DDIT4L: variants seen among roughly 807,000 people sequenced by gnomAD.
DDIT4L encodes the protein DNA damage inducible transcript 4 like, also known as DNA damage-inducible transcript 4-like protein.
In DDIT4L, 13 loss-of-function variants were observed where a neutral mutation model predicts 15.9. That is an observed-to-expected ratio of 0.82 (90% CI 0.53 to 1.30). The LOEUF is 1.30. Ranked by LOEUF, DDIT4L falls within the 50% of genes most tolerant of loss-of-function variation. The pLI is 0.00. For synonymous variants in DDIT4L, 82 were observed against 85.4 expected, an observed-to-expected ratio of 0.96 and a Z score of 0.22; for missense variants, 235 against 224.8, an observed-to-expected ratio of 1.05 and a Z score of -0.29.
chr4:100,189,414 G>A (rs1355549832), intron 2 of DDIT4L, among the ~76,000 whole-genome samples: 2 of 152,114 alleles, frequency 1.3e-5, no homozygotes, highest in Non-Finnish European at 2.9e-5. Context: ...TTAGGCTGCG[G>A]GAAAGAAACC....
In DDIT4L at chr4:100,187,069, G is replaced by A. The variant is rs954013535; in HGVS notation, c.*608C>T. ...TTGCCTCTTTAAAACATTAGAGTGA[G>A]GAAGTCACCAAGAAACAGTGAAGCA... On this transcript the variant is annotated 3_prime_UTR_variant, in exon 3 of 3. Transcript: ENST00000273990. The A allele has an allele frequency of 5.3e-5, 8 of 152,124 alleles. No homozygotes were observed. Among genetic ancestry groups the A allele is most frequent in the African/African-American group, 1.9e-4 (8 of 41,420 alleles). The allele number at this position is 152,124 out of a possible 1,614,324, so 9.4% of individuals were successfully genotyped here. A position where few individuals can be genotyped will look rare whatever the true frequency, so the allele number is the denominator to read the frequency against.
intron 1 of DDIT4L, 31 bp from the exon 2 acceptor site, chr4:100,190,063 T>A (rs1031473492): frequency 3.5e-6 from 5 of 1,417,402 alleles, no homozygotes; most frequent in Admixed American, 3.4e-5. Context: ...AGAGACGGAT[T>A]TGCAAAAGCA....
rs917038042 is a variant in DDIT4L at position 100,186,316 on chromosome 4, G to A, written c.*1361C>T. ...CCAGGATGAATACATCTGTCCCTAC[G>A]CCGGTCTCCAGCATGTGAAGTGGAG... On this transcript the variant is annotated 3_prime_UTR_variant, in exon 3 of 3. Transcript: ENST00000273990. The A allele has an allele frequency of 5.3e-5, 8 of 152,148 alleles. No homozygotes were observed. Among genetic ancestry groups the A allele is most frequent in the African/African-American group, 1.4e-4 (6 of 41,440 alleles). 9.4% of individuals were successfully genotyped at this position (152,148 alleles called of 1,614,324 possible). A position where few individuals can be genotyped will look rare whatever the true frequency, so the allele number is the denominator to read the frequency against.
At position 100,188,022 on chromosome 4, in the gene DDIT4L, A is replaced by G. The variant is rs1396393720; in HGVS notation, c.237T>C (p.Leu79=). Residue 79 remains leucine, a synonymous_variant, in exon 3 of 3, where the codon CTT becomes CTC. Transcript: ENST00000273990. Reference sequence around the variant, plus strand: ...TTCTCTGGGTCAGTTTCTCAGGGACAAGGACCTTTGAGCAACCAAGTTTAG... The same window carrying G: ...TTCTCTGGGTCAGTTTCTCAGGGACGAGGACCTTTGAGCAACCAAGTTTAG... The part of the protein sequence containing the change: ...KQTKLGCSKV[L]VPEKLTQRIA... The G allele has an allele frequency of 1.2e-6, 2 of 1,614,084 alleles. No individual in the cohort carries two copies. The highest frequency in any genetic ancestry group is 1.7e-6 in the Non-Finnish European group (2 of 1,180,046).
At position 100,189,942 on chromosome 4, in the gene DDIT4L, G is replaced by C. The variant is rs749303442; in HGVS notation, c.42C>G (p.Ser14Arg). 5 of 1,614,040 alleles carry C rather than the reference G, an allele frequency of 3.1e-6. No individual in the cohort carries two copies. The Admixed American group carries it at 8.3e-5, about 27-fold the overall frequency. Residue 14 changes from serine to arginine, a missense_variant, in exon 2 of 3, where the codon AGC becomes AGG. Physicochemically the swap from Ser to Arg is moderately radical, Grantham distance 110 (BLOSUM62 -1). Coordinates refer to ENST00000273990, the MANE Select transcript of DDIT4L (RefSeq NM_145244.4). ...TGSLSSKNPA[S>R]ISELLDCGYH... ...AGCCACAGTCCAGCAATTCTGAAAT[G>C]CTGGCCGGGTTCTTGCTGCTCAAAC...
chr4:100,190,188 G>A, intron 1 of DDIT4L, 115 bp downstream of exon 1: 3 of 564,502 alleles, frequency 5.3e-6, no homozygotes, highest in Non-Finnish European at 9.4e-6. Context: ...ACAAAGCCCT[G>A]GGAGCGGAGC....
intron 2 of DDIT4L, among the ~76,000 whole-genome samples, chr4:100,188,829 G>A (rs1213134942): frequency 2.0e-5 from 3 of 152,170 alleles, no homozygotes; most frequent in Non-Finnish European, 4.4e-5. Context: ...GACCTTTGAG[G>A]TTCATGAGGA....
chr4:100,185,994 A>G lies in DDIT4L; in HGVS notation c.*1683T>C, dbSNP rs1343117300. On this transcript the variant is annotated 3_prime_UTR_variant, in exon 3 of 3. Transcript: ENST00000273990. The stretch of plus-strand genomic sequence containing the variant: ...GTAAGCATAACAGGCAAGAGAGTCA[A>G]AGATAACTGTTAGTGGGAAAAGGAC... 1 of 152,258 alleles carries G rather than the reference A, an allele frequency of 6.6e-6. No homozygotes were observed. The highest frequency in any genetic ancestry group is 2.4e-5 in the African/African-American group (1 of 41,462). 9.4% of individuals were successfully genotyped at this position (152,258 alleles called of 1,614,324 possible). A position where few individuals can be genotyped will look rare whatever the true frequency, so the allele number is the denominator to read the frequency against.
chr4:100,190,263 C>T, intron 1 of DDIT4L, 40 bp downstream of exon 1: 2 of 435,684 alleles, frequency 4.6e-6, no homozygotes, highest in East Asian at 4.8e-5. Context: ...GGAGCGCCCC[C>T]CGGCCCCGCT....
At chr4:100,189,417 A>G (rs968524803) in intron 2 of DDIT4L, among the ~76,000 whole-genome samples, 2 of 152,340 alleles carry the variant, frequency 1.3e-5, no homozygotes, top group African/African-American at 4.8e-5. Context: ...GGCTGCGGGA[A>G]AGAAACCAGA....
chr4:100,188,305 C>A, intron 2 of DDIT4L, 138 bp from the exon 3 acceptor site: 2 of 861,548 alleles, frequency 2.3e-6, no homozygotes, highest in Non-Finnish European at 1.7e-6. Flanking sequence ...GTCAGCTGAC[C>A]TCAATTAACT....
At position 100,186,432 on chromosome 4, in the gene DDIT4L, TG is replaced by T. The variant is rs1324333704; in HGVS notation, c.*1244del. ...CCTTGCTGAATTGAACATTGTTGAG[TG>T]GAGGCTAAATTCTCTCATTAACATA... is the stretch of plus-strand genomic sequence containing the variant. On this transcript the variant is annotated 3_prime_UTR_variant, in exon 3 of 3. Coordinates refer to ENST00000273990, the MANE Select transcript of DDIT4L (RefSeq NM_145244.4). 1 of 152,048 alleles carries T rather than the reference TG, an allele frequency of 6.6e-6. No individual in the cohort carries two copies. Among genetic ancestry groups the T allele is most frequent in the Admixed American group, 6.5e-5 (1 of 15,276 alleles). 9.4% of individuals were successfully genotyped at this position (152,048 alleles called of 1,614,324 possible). A position where few individuals can be genotyped will look rare whatever the true frequency, so the allele number is the denominator to read the frequency against.
chr4:100,188,216 A>T, intron 2 of DDIT4L, 49 bp from the exon 3 acceptor site: 1 of 1,551,436 alleles, frequency 6.4e-7, no homozygotes. Flanking sequence ...AAAATTTAAG[A>T]GTAGAAAAAA....
intron 2 of DDIT4L, 41 bp from the exon 3 acceptor site, chr4:100,188,208 A>C: frequency 6.4e-7 from 1 of 1,559,962 alleles, no homozygotes; most frequent in Non-Finnish European, 8.6e-7. Context: ...CAGAAGAAAA[A>C]ATTTAAGAGT....
At chr4:100,190,241 G>C in intron 1 of DDIT4L, 62 bp downstream of exon 1, 1 of 481,466 alleles carries the variant, frequency 2.1e-6, no homozygotes, top group South Asian at 2.5e-5. Context: ...ACTTGGAAGC[G>C]ACCTGCCCCG....
At position 100,189,958 on chromosome 4, in the gene DDIT4L, C is replaced by T; in HGVS notation, c.26G>A (p.Ser9Asn). The change falls in exon 2 of 3, where the codon AGC becomes AAC. Residue 9 changes from serine to asparagine, a missense_variant. By Grantham distance (46) the Ser-to-Asn change is conservative. Coordinates refer to ENST00000273990, the MANE Select transcript of DDIT4L (RefSeq NM_145244.4). MVATGSLS[S>N]KNPASISELL... ...TTCTGAAATGCTGGCCGGGTTCTTG[C>T]TGCTCAAACTGCCAGTTGCAACCAT... 1 of 1,614,152 alleles carries T rather than the reference C, an allele frequency of 6.2e-7. No individual in the cohort carries two copies. The highest frequency in any genetic ancestry group is 8.5e-7 in the Non-Finnish European group (1 of 1,180,030).
chr4:100,188,686 T>C (rs6532847), intron 2 of DDIT4L, among the ~76,000 whole-genome samples: 144,861 of 152,320 alleles, frequency 0.95, 68,940 homozygotes, highest in African/African-American at 0.99. Flanking sequence ...TACTATTATG[T>C]TTGAAGAGTT....
rs1381867709 is a variant in DDIT4L, at chr4:100,187,459, C to A, written c.*218G>T. On this transcript the variant is annotated 3_prime_UTR_variant, in exon 3 of 3. Coordinates refer to ENST00000273990, the MANE Select transcript of DDIT4L (RefSeq NM_145244.4). The stretch of plus-strand genomic sequence containing the variant: ...ATTCAATTCTGTACAAAAATGGGAT[C>A]TATGCAGAAAATCTACACTATTTTG... The A allele has an allele frequency of 2.1e-6, 1 of 479,576 alleles. No individual in the cohort carries two copies. The highest frequency in any genetic ancestry group is 2.1e-5 in the African/African-American group (1 of 48,678). 29.7% of individuals were successfully genotyped at this position (479,576 alleles called of 1,614,324 possible).
chr4:100,190,197 G>GC, intron 1 of DDIT4L, 106 bp downstream of exon 1: 1 of 551,526 alleles, frequency 1.8e-6, no homozygotes, highest in South Asian at 2.2e-5. Flanking sequence ...TGGGAGCGGA[G>GC]CCGCAACCTG....
Sources: allele counts gnomAD v4.1 joint callset (sites outside exome capture counted in the v4.1 genomes callset), GRCh38; gene constraint gnomAD v4.1.1; transcripts MANE v1.5; gene names NCBI Gene and HGNC (gene_info 2026-07-23, HGNC 2026-07-21).